Variants in PAQR8 observed in about 807,000 individuals in gnomAD.
The protein encoded by PAQR8 is membrane progestin receptor beta.
PAQR8 carries 17 observed loss-of-function variants against 25.2 expected under a neutral mutation model. That is an observed-to-expected ratio of 0.67 (90% CI 0.46 to 1.01). PAQR8 has a LOEUF of 1.01. Among genes scored for constraint, PAQR8 ranks in the 50% least tolerant of loss-of-function variants. The pLI, the probability that PAQR8 is intolerant of heterozygous loss-of-function variation, is 0.00. For missense variants in PAQR8, 392 were observed against 448.4 expected, an observed-to-expected ratio of 0.87 and a Z score of 1.14; for synonymous variants, 204 against 190.6, an observed-to-expected ratio of 1.07 and a Z score of -0.58.
At chr6:52,402,646 A>G (rs1331428695) in intron 1 of PAQR8, among the ~76,000 whole-genome samples, 6 of 151,908 alleles carry the variant, frequency 3.9e-5, no homozygotes, top group Non-Finnish European at 8.8e-5. Flanking sequence ...GAAAGAAAGA[A>G]AAAAAAGAAT....
At chr6:52,384,140 C>T (rs1193125876) in intron 1 of PAQR8, among the ~76,000 whole-genome samples, 8 of 152,128 alleles carry the variant, frequency 5.3e-5, no homozygotes, top group Non-Finnish European at 8.8e-5. Flanking sequence ...GATTTCAAGG[C>T]TTGATGCCTG....
In PAQR8 at chr6:52,403,944, C is replaced by A. The variant is rs1168731821; in HGVS notation, c.731C>A (p.Ala244Glu). 5 of 1,614,242 alleles carry A rather than the reference C, an allele frequency of 3.1e-6. No homozygotes were observed. Among genetic ancestry groups the A allele is most frequent in the Non-Finnish European group, 4.2e-6 (5 of 1,180,030 alleles). ...LCHLAGCQEQ[A>E]AWYHTLQILF... The stretch of plus-strand genomic sequence containing the variant: ...CACCTGGCTGGCTGCCAGGAGCAAG[C>A]AGCCTGGTACCACACCCTCCAGATC... Residue 244 changes from alanine (A) to glutamate (E), a missense_variant, in exon 2 of 2, where the codon GCA becomes GAA. Physicochemically the swap from Ala to Glu is moderately radical, Grantham distance 107 (BLOSUM62 -1). Coordinates refer to ENST00000442253, the MANE Select transcript of PAQR8 (RefSeq NM_133367.5).
intron 1 of PAQR8, among the ~76,000 whole-genome samples, chr6:52,387,371 G>C (rs1763645289): frequency 6.6e-6 from 1 of 152,180 alleles, no homozygotes; most frequent in Admixed American, 6.5e-5. Context: ...GGACTCTTGG[G>C]ACACGGGTCA....
chr6:52,372,566 CAT>C (rs1253164136), intron 1 of PAQR8, among the ~76,000 whole-genome samples: 1 of 152,110 alleles, frequency 6.6e-6, no homozygotes, highest in East Asian at 1.9e-4. Flanking sequence ...TTAATGAGCA[CAT>C]GTGTGCTAAG....
chr6:52,368,409 G>T (rs1331676956), intron 1 of PAQR8, among the ~76,000 whole-genome samples: 4 of 152,000 alleles, frequency 2.6e-5, no homozygotes, highest in Non-Finnish European at 4.4e-5. Flanking sequence ...TAGCACCTGG[G>T]TATCAGATTT....
At chr6:52,381,043 C>T (rs547168711) in intron 1 of PAQR8, among the ~76,000 whole-genome samples, 1 of 152,348 alleles carries the variant, frequency 6.6e-6, no homozygotes, top group Admixed American at 6.5e-5. Context: ...ATCTCCCCCA[C>T]CCTCCTCCTC....
chr6:52,379,623 T>C (rs1430870047), intron 1 of PAQR8, among the ~76,000 whole-genome samples: 22 of 129,786 alleles, frequency 1.7e-4, no homozygotes, highest in Non-Finnish European at 2.7e-4. Context: ...AGCTTTCTTT[T>C]TTTTTTTTTT....
rs1189109436 is a variant in PAQR8 at position 52,403,931 on chromosome 6, T to A, written c.718T>A (p.Cys240Ser). 5 of 1,614,246 alleles carry A rather than the reference T, an allele frequency of 3.1e-6. No individual in the cohort carries two copies. The South Asian group carries it at 5.5e-5, about 18-fold the overall frequency. ...HRVALCHLAG[C>S]QEQAAWYHTL... ...TGTGGCGCTCTGTCACCTGGCTGGC[T>A]GCCAGGAGCAAGCAGCCTGGTACCA... Residue 240 changes from cysteine to serine, a missense_variant, in exon 2 of 2, where the codon TGC (cysteine) becomes AGC (serine). Coordinates refer to ENST00000442253, the MANE Select transcript of PAQR8 (RefSeq NM_133367.5).
At chr6:52,367,680 T>A (rs1002258878) in intron 1 of PAQR8, among the ~76,000 whole-genome samples, 1 of 152,188 alleles carries the variant, frequency 6.6e-6, no homozygotes, top group Non-Finnish European at 1.5e-5. Flanking sequence ...GACAGCTAAG[T>A]GTACTCTGCA....
Position 52,403,873 on chromosome 6 carries a change from T to G in PAQR8, c.660T>G (p.Ala220=). The change falls in exon 2 of 2, where the codon GCT becomes GCG. Residue 220 remains alanine, a synonymous_variant. Transcript: ENST00000442253. ...KICQVVPAGL[A]FILDISPVAH... ...GTCAAGTGGTGCCAGCAGGTCTGGCTTTTATCCTAGACATCAGCCCTGTGG... is the reference window on the plus strand; with the variant it reads ...GTCAAGTGGTGCCAGCAGGTCTGGCGTTTATCCTAGACATCAGCCCTGTGG... 1 of 1,614,226 alleles carries G rather than the reference T, an allele frequency of 6.2e-7. No individual in the cohort carries two copies. The highest frequency in any genetic ancestry group is 8.5e-7 in the Non-Finnish European group (1 of 1,180,034).
At chr6:52,398,622 C>T (rs1469593506) in intron 1 of PAQR8, among the ~76,000 whole-genome samples, 11 of 149,560 alleles carry the variant, frequency 7.4e-5, no homozygotes, top group South Asian at 2.2e-4. Flanking sequence ...GGCACGATCT[C>T]GGCTCACTGC....
intron 1 of PAQR8, among the ~76,000 whole-genome samples, chr6:52,397,408 C>A (rs978443791): frequency 2.6e-5 from 4 of 152,148 alleles, no homozygotes; most frequent in Non-Finnish European, 5.9e-5. Context: ...CACTTCCCCC[C>A]AACGCTGCCC....
chr6:52,379,614 G>GCTTT, intron 1 of PAQR8, among the ~76,000 whole-genome samples: 36 of 110,344 alleles, frequency 3.3e-4, no homozygotes, highest in African/African-American at 1.1e-3. Flanking sequence ...GCCACACCCA[G>GCTTT]CTTTCTTTTT....
At chr6:52,387,932 C>G (rs1177340707) in intron 1 of PAQR8, among the ~76,000 whole-genome samples, 1 of 152,234 alleles carries the variant, frequency 6.6e-6, no homozygotes, top group East Asian at 1.9e-4. Flanking sequence ...TTGTACTCTC[C>G]TTATGAAAAT....
At chr6:52,370,432 C>T (rs1187681996) in intron 1 of PAQR8, among the ~76,000 whole-genome samples, 2 of 152,170 alleles carry the variant, frequency 1.3e-5, no homozygotes, top group African/African-American at 2.4e-5. Context: ...GTAAGAGAAG[C>T]GTAAAGCACG....
chr6:52,387,014 A>G (rs1367122178), intron 1 of PAQR8, among the ~76,000 whole-genome samples: 1 of 152,112 alleles, frequency 6.6e-6, no homozygotes, highest in East Asian at 1.9e-4. Flanking sequence ...TGGAATAACT[A>G]ATGATTTTTT....
chr6:52,400,680 G>C (rs76892426), intron 1 of PAQR8, among the ~76,000 whole-genome samples: 7,078 of 152,292 alleles, frequency 0.046, 216 homozygotes, highest in South Asian at 0.088. Flanking sequence ...ATTCAGTTCA[G>C]GGTCACTTCA....
intron 1 of PAQR8, among the ~76,000 whole-genome samples, chr6:52,393,999 G>T (rs962375758): frequency 6.6e-6 from 1 of 152,210 alleles, no homozygotes; most frequent in African/African-American, 2.4e-5. Flanking sequence ...GGAACACAAA[G>T]TGTCAGAGTG....
intron 1 of PAQR8, among the ~76,000 whole-genome samples, chr6:52,363,454 G>A (rs942037361): frequency 2.6e-5 from 4 of 152,154 alleles, no homozygotes; most frequent in Admixed American, 6.5e-5. Context: ...GTGTGTGTGC[G>A]CGCCTTAGGG....
Sources: allele counts gnomAD v4.1 joint callset (sites outside exome capture counted in the v4.1 genomes callset), GRCh38; gene constraint gnomAD v4.1.1; transcripts MANE v1.5; gene names NCBI Gene and HGNC (gene_info 2026-07-23, HGNC 2026-07-21).